The following MS4A12 variants were observed in gnomAD, a reference collection of about 807,000 sequenced individuals.
MS4A12 encodes membrane spanning 4-domains A12.
In MS4A12, 28 loss-of-function variants were observed where a neutral mutation model predicts 23.7. That is an observed-to-expected ratio of 1.18 (90% CI 0.88 to 1.62). The LOEUF is 1.62. MS4A12 is among the 40% of genes most tolerant of loss of function. MS4A12 has a pLI of 0.00. For missense variants in MS4A12, 342 were observed against 327.0 expected (o/e 1.05, Z -0.35); for synonymous variants, 108 against 110.1 (o/e 0.98, Z 0.12).
intron 1 of MS4A12, 56 bp from the exon 2 acceptor site, chr11:60,497,257 T>C (rs1247547627): frequency 1.3e-6 from 2 of 1,506,118 alleles, no homozygotes; most frequent in Non-Finnish European, 1.8e-6. Flanking sequence ...GGTAAGATTT[T>C]CTTTAGTTTC....
intron 2 of MS4A12, among the ~76,000 whole-genome samples, chr11:60,500,255 A>C (rs2086520632): frequency 6.6e-6 from 1 of 151,054 alleles, no homozygotes; most frequent in Admixed American, 6.7e-5. Context: ...AAAAACCAAA[A>C]AAAAACAAAA....
At chr11:60,506,128 A>G (rs939429045) in intron 5 of MS4A12, among the ~76,000 whole-genome samples, 1 of 152,244 alleles carries the variant, frequency 6.6e-6, no homozygotes, top group Non-Finnish European at 1.5e-5. Flanking sequence ...AGAAGTGTCA[A>G]TGAAGGAAAA....
intron 1 of MS4A12, among the ~76,000 whole-genome samples, chr11:60,497,017 A>C (rs1221202010): frequency 2.3e-4 from 35 of 152,212 alleles, no homozygotes; most frequent in Admixed American, 2.2e-3. Context: ...TCATGCTGCT[A>C]TGAGAATCCA....
chr11:60,497,378 C>G lies in MS4A12; in HGVS notation c.60C>G (p.Tyr20Ter), dbSNP rs1237273460. The G allele has an allele frequency of 6.2e-7, 1 of 1,614,166 alleles. No homozygotes were observed. Among genetic ancestry groups the G allele is most frequent in the East Asian group, 2.2e-5 (1 of 44,886 alleles). The change falls in exon 2 of 7, where the codon TAC (tyrosine) becomes TAG (stop). Residue 20 changes from tyrosine (Y) to a stop codon, truncating the protein, a stop_gained. Transcript: ENST00000016913. LOFTEE classifies it high-confidence loss of function. Reference protein sequence around the residue: ...AEVNETIPNPYPPSSFMAPGF... With the variant: ...AEVNETIPNP ...TAAATGAAACCATACCCAACCCTTA[C>G]CCACCAAGCAGCTTTATGGCTCCTG...
At chr11:60,497,674 G>T in intron 2 of MS4A12, 80 bp downstream of exon 2, 3 of 1,452,878 alleles carry the variant, frequency 2.1e-6, no homozygotes, top group Non-Finnish European at 2.8e-6. Context: ...TCATCCAATT[G>T]CTAAAAAGTT....
intron 4 of MS4A12, among the ~76,000 whole-genome samples, chr11:60,502,706 C>T (rs2135233046): frequency 6.6e-6 from 1 of 152,180 alleles, no homozygotes; most frequent in South Asian, 2.1e-4. Flanking sequence ...TATATGTAAT[C>T]CAGTACAAGA....
At chr11:60,492,951 A>G (rs1042935652) in intron 1 of MS4A12, 123 bp downstream of exon 1, 5 of 152,176 alleles carry the variant, frequency 3.3e-5, no homozygotes, top group Admixed American at 2.0e-4. Context: ...TCTTGACTCT[A>G]TGTTGAGGCC....
chr11:60,495,152 C>A (rs1203906392), intron 1 of MS4A12, among the ~76,000 whole-genome samples: 1 of 120,870 alleles, frequency 8.3e-6, no homozygotes, highest in East Asian at 2.6e-4. Context: ...ACCACTACAC[C>A]CGGCTAATTT....
intron 1 of MS4A12, among the ~76,000 whole-genome samples, chr11:60,496,778 C>T (rs1203768604): frequency 6.6e-6 from 1 of 152,194 alleles, no homozygotes; most frequent in African/African-American, 2.4e-5. Flanking sequence ...ATGTTCCTTC[C>T]TGGAGACTCT....
intron 2 of MS4A12, among the ~76,000 whole-genome samples, chr11:60,498,828 G>A (rs1385004269): frequency 6.6e-6 from 1 of 152,164 alleles, no homozygotes; most frequent in East Asian, 1.9e-4. Flanking sequence ...CAGATATTAG[G>A]GAAAGAGAAA....
chr11:60,506,653 G>A (rs946093497), intron 5 of MS4A12, 75 bp from the exon 6 acceptor site: 3 of 1,047,138 alleles, frequency 2.9e-6, no homozygotes, highest in Middle Eastern at 2.1e-4. Context: ...CACATTTGAT[G>A]AGTCAATAAC....
At chr11:60,498,676 G>C (rs375504872) in intron 2 of MS4A12, among the ~76,000 whole-genome samples, 1 of 152,156 alleles carries the variant, frequency 6.6e-6, no homozygotes, top group Middle Eastern at 3.2e-3. Flanking sequence ...AGAAGGTGTC[G>C]AATGATATAG....
chr11:60,502,099 A>G, intron 4 of MS4A12, 60 bp downstream of exon 4: 1 of 1,484,776 alleles, frequency 6.7e-7, no homozygotes, highest in Non-Finnish European at 9.3e-7. Flanking sequence ...CATATTGGGG[A>G]GGAAAATTGA....
At chr11:60,502,071 C>T (rs1357530058) in intron 4 of MS4A12, 32 bp downstream of exon 4, 1 of 1,573,102 alleles carries the variant, frequency 6.4e-7, no homozygotes, top group Admixed American at 1.7e-5. Context: ...TTTTGAACCC[C>T]TTTAAAGATT....
At position 60,507,278 on chromosome 11, in the gene MS4A12, C is replaced by T. The variant is rs539456128; in HGVS notation, c.*154C>T. 1.6e-6 allele frequency: 1 copy of T among 627,126 alleles called. No individual in the cohort carries two copies. The highest frequency in any genetic ancestry group is 2.0e-5 in the South Asian group (1 of 50,340). The allele number at this position is 627,126 out of a possible 1,614,324, so 38.8% of individuals were successfully genotyped here. Reference sequence around the variant, plus strand: ...GGTTGGTCGCTAATGATGGCTGTATCTCCCTTCACTGTCTCTTCCTACATT... The same window carrying T: ...GGTTGGTCGCTAATGATGGCTGTATTTCCCTTCACTGTCTCTTCCTACATT... On this transcript the variant is annotated 3_prime_UTR_variant, in exon 7 of 7. Coordinates refer to ENST00000016913, the MANE Select transcript of MS4A12 (RefSeq NM_017716.3).
rs557986855 is a variant in MS4A12, at chr11:60,506,397, C to A, written c.589-331C>A. On this transcript the variant is annotated intron_variant, in intron 5 of 6. Coordinates refer to ENST00000016913, the MANE Select transcript of MS4A12 (RefSeq NM_017716.3). Reference sequence around the variant, plus strand: ...CTAAACACTGGCATTTGGAATGATCCGTTGGTTTCTGTATTGCTTGACTTT... The same window carrying A: ...CTAAACACTGGCATTTGGAATGATCAGTTGGTTTCTGTATTGCTTGACTTT... 8.6e-5 allele frequency among the ~76,000 whole-genome samples: 13 copies of A among 151,936 alleles called. No individual in the cohort carries two copies. In the South Asian group the frequency reaches 2.5e-3, roughly 29 times the overall value.
At chr11:60,506,392 T>A (rs2086569753) in intron 5 of MS4A12, among the ~76,000 whole-genome samples, 2 of 152,214 alleles carry the variant, frequency 1.3e-5, no homozygotes, top group South Asian at 4.1e-4. Flanking sequence ...GCATTTGGAA[T>A]GATCCGTTGG....
At chr11:60,504,271 GC>G (rs1299818904) in intron 5 of MS4A12, among the ~76,000 whole-genome samples, 1 of 152,178 alleles carries the variant, frequency 6.6e-6, no homozygotes, top group African/African-American at 2.4e-5. Flanking sequence ...GCAAAATGAA[GC>G]ACGTATCTCT....
chr11:60,502,039 G>A lies in MS4A12; in HGVS notation c.471G>A (p.Leu157=). 2 of 1,609,310 alleles carry A rather than the reference G, an allele frequency of 1.2e-6. No individual in the cohort carries two copies. The highest frequency in any genetic ancestry group is 1.7e-6 in the Non-Finnish European group (2 of 1,175,780). Residue 157 remains leucine (L), a splice_region_variant and synonymous_variant, in exon 4 of 7, where the codon CTG becomes CTA. Coordinates refer to ENST00000016913, the MANE Select transcript of MS4A12 (RefSeq NM_017716.3). ...CATCCAAGGAGCTTTCCCGTTGTCTGGTAAGTTAGACTGTCTCTACTTTTT... is the reference window on the plus strand; with the variant it reads ...CATCCAAGGAGCTTTCCCGTTGTCTAGTAAGTTAGACTGTCTCTACTTTTT... ...VSASKELSRC[L]VKGSLGMNIV...
Sources: gnomAD v4.1 joint callset for allele counts (sites outside exome capture counted in the v4.1 genomes callset) on GRCh38, gnomAD v4.1.1 for gene constraint, MANE v1.5 for transcripts, NCBI Gene and HGNC (gene_info 2026-07-23, HGNC 2026-07-21) for gene names.